TTLL1: variants seen among roughly 807,000 people sequenced by gnomAD.
The protein encoded by TTLL1 is TTL family tubulin polyglutamylase complex subunit L1, also known as polyglutamylase complex subunit TTLL1.
A neutral mutation model predicts 47.8 loss-of-function variants in TTLL1; 33 were observed. The ratio of observed to expected loss-of-function variants is 0.69; its 90% CI spans 0.52 to 0.92. TTLL1 has a LOEUF of 0.92. Among genes scored for constraint, TTLL1 ranks in the 40% least tolerant of loss-of-function variants. The pLI, the probability that TTLL1 is intolerant of heterozygous loss-of-function variation, is 0.00. For missense variants in TTLL1, 488 were observed against 547.5 expected, an observed-to-expected ratio of 0.89 and a Z score of 1.08; for synonymous variants, 225 against 214.1, an observed-to-expected ratio of 1.05 and a Z score of -0.45.
intron 1 of TTLL1, among the ~76,000 whole-genome samples, chr22:43,085,619 T>C (rs1193161314): frequency 6.6e-6 from 1 of 152,202 alleles, no homozygotes; most frequent in Non-Finnish European, 1.5e-5. Flanking sequence ...TCTTCCGCCA[T>C]GATTGTGACT....
rs542561764 is a variant in TTLL1, at chr22:43,076,432, G to A, written c.-4-842C>T. 2.2e-4 allele frequency among the ~76,000 whole-genome samples: 34 copies of A among 151,868 alleles called. 1 individual carries two copies. In the East Asian group the frequency reaches 4.7e-3, roughly 21 times the overall value. ...GATCGCACTACTGCCCTCCAGCCTC[G>A]GCGACAGAGCGAGACTCCATCGCAA... On this transcript the variant is annotated intron_variant, in intron 2 of 10. Coordinates refer to ENST00000266254, the MANE Select transcript of TTLL1 (RefSeq NM_012263.5).
chr22:43,064,786 A>AT (rs1436062522), intron 5 of TTLL1, among the ~76,000 whole-genome samples: 6 of 152,116 alleles, frequency 3.9e-5, no homozygotes, highest in Non-Finnish European at 2.9e-5. Flanking sequence ...GTTGCCACAG[A>AT]CTAGGGATAA....
chr22:43,087,837 C>CAA (rs134988), intron 1 of TTLL1, among the ~76,000 whole-genome samples: 24,063 of 62,558 alleles, frequency 0.38, 4,180 homozygotes, highest in East Asian at 0.74. Context: ...GAGACGGTCT[C>CAA]AAAAAAAAAA....
intron 8 of TTLL1, chr22:43,052,319 T>G (rs1239994795): frequency 5.1e-6 from 1 of 197,482 alleles, no homozygotes; most frequent in African/African-American, 2.3e-5. Flanking sequence ...GGTGCCAGAC[T>G]ATTAACCTCT....
chr22:43,070,058 G>T, intron 3 of TTLL1: 1 of 1,190,458 alleles, frequency 8.4e-7, no homozygotes, highest in Non-Finnish European at 1.2e-6. Flanking sequence ...GCCAGGAGCT[G>T]TGCTGATTCT....
At chr22:43,049,092 A>G (rs1926387176) in intron 9 of TTLL1, among the ~76,000 whole-genome samples, 2 of 151,928 alleles carry the variant, frequency 1.3e-5, no homozygotes, top group Non-Finnish European at 2.9e-5. Flanking sequence ...TCTGCAATAT[A>G]TCCATGTAAC....
intron 3 of TTLL1, 148 bp from the exon 4 acceptor site, chr22:43,069,992 C>G: frequency 7.4e-7 from 1 of 1,357,086 alleles, no homozygotes; most frequent in Non-Finnish European, 1.0e-6. Flanking sequence ...GTTGCCCGGC[C>G]CACAGCAGCA....
At chr22:43,067,507 A>G (rs1803732950) in intron 5 of TTLL1, among the ~76,000 whole-genome samples, 2 of 152,042 alleles carry the variant, frequency 1.3e-5, no homozygotes, top group Non-Finnish European at 2.9e-5. Context: ...CCTGTAATCA[A>G]AAAGTGGCTG....
Position 43,040,191 on chromosome 22 carries a change from A to AT in TTLL1, c.1143-287dup, listed in dbSNP as rs541151359. 564 of 297,264 alleles carry AT rather than the reference A, an allele frequency of 1.9e-3. 5 individuals are homozygous for AT. Among genetic ancestry groups the AT allele is most frequent in the African/African-American group, 0.012 (539 of 45,312 alleles). The allele number at this position is 297,264 out of a possible 1,614,324, so 18.4% of individuals were successfully genotyped here. A position where few individuals can be genotyped will look rare whatever the true frequency, so the allele number is the denominator to read the frequency against. On this transcript the variant is annotated intron_variant, in intron 10 of 10. Transcript: ENST00000266254. ...GTCTCCCCTCGGAAGCTGACATTTT[A>AT]TACAGGTCACCAGGTCAAATATGGC...
Position 43,043,425 on chromosome 22 carries a change from C to G in TTLL1, c.1142+2985G>C, listed in dbSNP as rs568593602. ...ACAAGTCTCCCCGCAATGGTCCCCA[C>G]CCTGTACACACTCACAGACCCCCTC... On this transcript the variant is annotated intron_variant, in intron 10 of 10. Coordinates refer to ENST00000266254, the MANE Select transcript of TTLL1 (RefSeq NM_012263.5). 3.9e-5 allele frequency among the ~76,000 whole-genome samples: 6 copies of G among 152,162 alleles called. No homozygotes were observed. In the South Asian group the frequency reaches 1.2e-3, roughly 32 times the overall value.
At chr22:43,088,903 C>A (rs1929430175) in intron 1 of TTLL1, among the ~76,000 whole-genome samples, 1 of 152,196 alleles carries the variant, frequency 6.6e-6, no homozygotes. Flanking sequence ...AGGCTCTTGT[C>A]TCCTGCCCTG....
chr22:43,045,193 C>T (rs962044702), intron 10 of TTLL1, among the ~76,000 whole-genome samples: 18 of 151,960 alleles, frequency 1.2e-4, no homozygotes, highest in African/African-American at 3.4e-4. Flanking sequence ...CTTAATAGAC[C>T]GCAGAATGAA....
intron 7 of TTLL1, among the ~76,000 whole-genome samples, chr22:43,060,230 A>G (rs1026890516): frequency 6.6e-6 from 1 of 152,170 alleles, no homozygotes; most frequent in Admixed American, 6.5e-5. Flanking sequence ...CTTCAAGACC[A>G]AGGCACTCAT....
At chr22:43,042,938 CTTTT>C (rs59595664) in intron 10 of TTLL1, among the ~76,000 whole-genome samples, 3 of 129,742 alleles carry the variant, frequency 2.3e-5, no homozygotes, top group African/African-American at 8.8e-5. Flanking sequence ...GCTGCTTTTT[CTTTT>C]TTTTTTTTTT....
intron 3 of TTLL1, chr22:43,070,334 A>G: frequency 1.7e-6 from 1 of 589,908 alleles, no homozygotes. Context: ...GTTGGGGACG[A>G]CAGAGTTGAA....
chr22:43,045,697 C>T (rs1177843635), intron 10 of TTLL1, among the ~76,000 whole-genome samples: 1 of 152,034 alleles, frequency 6.6e-6, no homozygotes, highest in Non-Finnish European at 1.5e-5. Flanking sequence ...GCGGCAAAGC[C>T]AGGGAATGAG....
rs556435017 is a variant in TTLL1 at position 43,068,619 on chromosome 22, A to G, written c.323-29T>C. 4.9e-6 allele frequency: 7 copies of G among 1,418,084 alleles called. 1 individual carries two copies. The African/African-American group carries it at 8.5e-5, about 17-fold the overall frequency. 87.8% of individuals were successfully genotyped at this position (1,418,084 alleles called of 1,614,324 possible). ...CAAGGCAAAGACACCCAGCACTGGT[A>G]AGCAGCCAGCCCAACAGTGGCCATG... On this transcript the variant is annotated intron_variant, in intron 4 of 10. Coordinates refer to ENST00000266254, the MANE Select transcript of TTLL1 (RefSeq NM_012263.5).
At position 43,046,588 on chromosome 22, in the gene TTLL1, A is replaced by G; in HGVS notation, c.979-15T>C. The G allele has an allele frequency of 6.2e-7, 1 of 1,611,920 alleles. No homozygotes were observed. The highest frequency in any genetic ancestry group is 2.2e-5 in the East Asian group (1 of 44,838). On this transcript the variant is annotated splice_polypyrimidine_tract_variant and intron_variant, in intron 9 of 10. Coordinates refer to ENST00000266254, the MANE Select transcript of TTLL1 (RefSeq NM_012263.5). ...GACGCATTCACCTGTGAGATGAAAG[A>G]CCCATGTTCCTCACCTGTGTCTCTC...
chr22:43,046,611 C>G (rs893252677), intron 9 of TTLL1, 38 bp from the exon 10 acceptor site: 1 of 1,602,264 alleles, frequency 6.2e-7, no homozygotes, highest in Non-Finnish European at 8.5e-7. Flanking sequence ...ACCTGTGTCT[C>G]TCGCTCTTTT....
Sources: gnomAD v4.1 joint callset for allele counts (sites outside exome capture counted in the v4.1 genomes callset) on GRCh38, gnomAD v4.1.1 for gene constraint, MANE v1.5 for transcripts, NCBI Gene and HGNC (gene_info 2026-07-23, HGNC 2026-07-21) for gene names.